Variants in GALNT13 observed in about 807,000 individuals in gnomAD.
GALNT13 encodes the protein UDP-GalNAc:polypeptide N-acetylgalactosaminyltransferase 13.
Under a neutral mutation model 64.2 loss-of-function variants are expected in GALNT13, and 28 were observed. The observed-to-expected ratio is 0.44, with a 90% CI of 0.32 to 0.60. GALNT13 has a LOEUF of 0.60. Among genes scored for constraint, GALNT13 ranks in the 20% least tolerant of loss-of-function variants. GALNT13 has a pLI of 0.05. For missense variants in GALNT13, 577 were observed against 669.8 expected, an observed-to-expected ratio of 0.86 and a Z score of 1.53; for synonymous variants, 214 against 224.6, an observed-to-expected ratio of 0.95 and a Z score of 0.42.
At chr2:153,201,386 A>G in the GALNT13 span, among the ~76,000 whole-genome samples, 60 of 152,322 alleles carry the variant, frequency 3.9e-4, 1 homozygote, top group East Asian at 0.011. Flanking sequence ...GGAAAGCTAA[A>G]CAATAGATTG....
At chr2:153,984,165 A>G (rs1330043614) in intron 3 of GALNT13, among the ~76,000 whole-genome samples, 1 of 151,856 alleles carries the variant, frequency 6.6e-6, no homozygotes, top group Non-Finnish European at 1.5e-5. Flanking sequence ...TTGTACAATA[A>G]TATAATCTGT....
At chr2:153,225,769 TA>T in the GALNT13 span, among the ~76,000 whole-genome samples, 1 of 152,048 alleles carries the variant, frequency 6.6e-6, no homozygotes, top group Admixed American at 6.6e-5. Context: ...TCAAACAAAA[TA>T]TGTACAGGAT....
chr2:153,706,741 A>C, the GALNT13 span, among the ~76,000 whole-genome samples: 7 of 152,142 alleles, frequency 4.6e-5, no homozygotes, highest in African/African-American at 1.2e-4. Context: ...TTCAAATTGC[A>C]ATTGTTCCTT....
At chr2:154,338,507 G>A (rs1027889779) in intron 9 of GALNT13, among the ~76,000 whole-genome samples, 1 of 152,092 alleles carries the variant, frequency 6.6e-6, no homozygotes, top group African/African-American at 2.4e-5. Flanking sequence ...TGAAGGAGGA[G>A]TTTTACTGTA....
chr2:154,026,491 C>G (rs890483663), intron 3 of GALNT13, among the ~76,000 whole-genome samples: 2 of 152,126 alleles, frequency 1.3e-5, no homozygotes, highest in African/African-American at 4.8e-5. Context: ...GTGGTATAAA[C>G]AACAGAAATT....
chr2:153,207,231 A>G, the GALNT13 span, among the ~76,000 whole-genome samples: 1,070 of 152,202 alleles, frequency 7.0e-3, 2 homozygotes, highest in Non-Finnish European at 0.012. Context: ...GCTTTCTGCA[A>G]TCTGGATTAT....
the GALNT13 span, among the ~76,000 whole-genome samples, chr2:153,165,154 T>C: frequency 6.6e-6 from 1 of 152,222 alleles, no homozygotes; most frequent in Admixed American, 6.5e-5. Flanking sequence ...CACACAGTCT[T>C]TGAGGTCATA....
At chr2:153,699,711 C>T in the GALNT13 span, among the ~76,000 whole-genome samples, 2 of 152,138 alleles carry the variant, frequency 1.3e-5, no homozygotes, top group Non-Finnish European at 2.9e-5. Context: ...ATGCTAGAAA[C>T]ACCTCTATGC....
At chr2:153,523,774 T>G in the GALNT13 span, among the ~76,000 whole-genome samples, 2 of 152,194 alleles carry the variant, frequency 1.3e-5, no homozygotes, top group Non-Finnish European at 2.9e-5. Flanking sequence ...ATTTCTTCCT[T>G]TCTAATCTGA....
the GALNT13 span, among the ~76,000 whole-genome samples, chr2:153,840,569 G>GA: frequency 6.6e-6 from 1 of 151,964 alleles, no homozygotes; most frequent in East Asian, 1.9e-4. Flanking sequence ...GGTCCTGGCA[G>GA]AAAAAAAGAT....
At chr2:153,822,953 AT>A in the GALNT13 span, among the ~76,000 whole-genome samples, 23 of 152,224 alleles carry the variant, frequency 1.5e-4, no homozygotes, top group South Asian at 2.1e-4. Context: ...GTGAAAAAAA[AT>A]AGTAGTATTT....
the GALNT13 span, among the ~76,000 whole-genome samples, chr2:153,267,283 G>T: frequency 6.6e-6 from 1 of 152,162 alleles, no homozygotes; most frequent in South Asian, 2.1e-4. Context: ...CTGGAAAAGA[G>T]CAGGGACTCT....
At chr2:154,297,450 T>C (rs1692991659) in intron 8 of GALNT13, among the ~76,000 whole-genome samples, 1 of 152,148 alleles carries the variant, frequency 6.6e-6, no homozygotes, top group African/African-American at 2.4e-5. Context: ...GGGGTCCTAA[T>C]TTGATAGGAC....
chr2:153,718,431 TTTTTGTTTTG>T, the GALNT13 span, among the ~76,000 whole-genome samples: 2 of 151,354 alleles, frequency 1.3e-5, no homozygotes, highest in Admixed American at 6.6e-5. Context: ...TTTTTTCATG[TTTTTGTTTTG>T]TTTTGTTTTG....
At chr2:153,428,332 C>T in the GALNT13 span, among the ~76,000 whole-genome samples, 1 of 152,102 alleles carries the variant, frequency 6.6e-6, no homozygotes, top group Non-Finnish European at 1.5e-5. Context: ...AAGTGTGTCA[C>T]ATGACAAGAG....
intron 12 of GALNT13, among the ~76,000 whole-genome samples, chr2:154,439,266 CAGAGA>C (rs1701160059): frequency 6.6e-6 from 1 of 152,154 alleles, no homozygotes; most frequent in Admixed American, 6.5e-5. Flanking sequence ...ACCTTTCTGA[CAGAGA>C]AGAGGGAGAG....
the GALNT13 span, among the ~76,000 whole-genome samples, chr2:153,311,626 G>A: frequency 6.6e-6 from 1 of 152,176 alleles, no homozygotes; most frequent in Non-Finnish European, 1.5e-5. Context: ...GCTGTTGGCT[G>A]GCCTCAGAGG....
chr2:153,848,296 CA>C, the GALNT13 span, among the ~76,000 whole-genome samples: 4 of 152,008 alleles, frequency 2.6e-5, no homozygotes, highest in Non-Finnish European at 5.9e-5. Flanking sequence ...CTGTTAGTAG[CA>C]AAGAACACAG....
chr2:153,913,884 G>A (rs1689152868), intron 2 of GALNT13, among the ~76,000 whole-genome samples: 1 of 152,122 alleles, frequency 6.6e-6, no homozygotes, highest in Non-Finnish European at 1.5e-5. Flanking sequence ...GGAGGGAGAT[G>A]TTCCTCCTAG....
Sources: gnomAD v4.1 joint callset for allele counts (sites outside exome capture counted in the v4.1 genomes callset) on GRCh38, gnomAD v4.1.1 for gene constraint, MANE v1.5 for transcripts, NCBI Gene and HGNC (gene_info 2026-07-23, HGNC 2026-07-21) for gene names.